The following GRIK3 variants were observed in gnomAD, a reference collection of about 807,000 sequenced individuals.
GRIK3 encodes the protein glutamate receptor ionotropic, kainate 3.
Under a neutral mutation model 102.5 loss-of-function variants are expected in GRIK3, and 29 were observed. The observed-to-expected ratio is 0.28, with a 90% CI of 0.21 to 0.39. The LOEUF (loss-of-function observed/expected upper bound fraction) is 0.39. GRIK3 is among the 10% of genes least tolerant of loss of function. The pLI is 1.00. For synonymous variants in GRIK3, 511 were observed against 504.9 expected, an observed-to-expected ratio of 1.01 and a Z score of -0.16; for missense variants, 908 against 1,252.4, an observed-to-expected ratio of 0.73 and a Z score of 4.15.
rs1346002321 is a variant in GRIK3 at position 37,034,159 on chromosome 1, G to A, written c.-51C>T. 4.3e-6 allele frequency: 4 copies of A among 923,780 alleles called. No individual in the cohort carries two copies. The Admixed American group carries it at 1.3e-4, about 31-fold the overall frequency. 57.2% of individuals were successfully genotyped at this position (923,780 alleles called of 1,614,324 possible). ...GGGCGCGGCCGTGGCGGGCTCCCTG[G>A]GGCGGCAGCTCTAGGCGCGGGCGCG... On this transcript the variant is annotated 5_prime_UTR_variant, in exon 1 of 16. Coordinates refer to ENST00000373091, the MANE Select transcript of GRIK3 (RefSeq NM_000831.4).
chr1:36,933,595 C>T (rs536394206), intron 1 of GRIK3, among the ~76,000 whole-genome samples: 4 of 152,118 alleles, frequency 2.6e-5, no homozygotes, highest in East Asian at 1.9e-4. Context: ...ATCCACTCAC[C>T]GACAACTGAG....
chr1:36,972,394 C>A (rs950095053), intron 1 of GRIK3, among the ~76,000 whole-genome samples: 31 of 152,208 alleles, frequency 2.0e-4, no homozygotes, highest in African/African-American at 7.2e-4. Context: ...AGGCTCACGG[C>A]ACCCCAGCCA....
Position 36,884,052 on chromosome 1 carries a change from G to A in GRIK3, c.293-3161C>T, listed in dbSNP as rs564116240. 3.9e-5 allele frequency among the ~76,000 whole-genome samples: 6 copies of A among 152,318 alleles called. No individual in the cohort carries two copies. The East Asian group carries it at 1.2e-3, about 29-fold the overall frequency. On this transcript the variant is annotated intron_variant, in intron 2 of 15. Coordinates refer to ENST00000373091, the MANE Select transcript of GRIK3 (RefSeq NM_000831.4). ...GCCCCCTGTAACACGGGGCAGAACA[G>A]CAGCAGTGCCAGTACAGAGGGTATC... is the stretch of plus-strand genomic sequence containing the variant.
chr1:36,993,059 G>A (rs889195825), intron 1 of GRIK3, among the ~76,000 whole-genome samples: 5 of 152,140 alleles, frequency 3.3e-5, no homozygotes, highest in African/African-American at 1.2e-4. Flanking sequence ...GAAGTATTAG[G>A]GTGGGGGTAA....
Position 36,806,177 on chromosome 1 carries a change from C to T in GRIK3, c.2241G>A (p.Thr747=), listed in dbSNP as rs559857715. The change falls in exon 14 of 16, where the codon ACG becomes ACA. Residue 747 remains threonine (T), a synonymous_variant. Transcript: ENST00000373091. This position sits in a 1 kb window ranked among gnomAD's most constrained non-coding sequence, Gnocchi z 4.0. The part of the protein sequence containing the change: ...LMESTTIEYV[T]QRNCNLTQIG... ...TCTGGGTGAGGTTGCAGTTCCTCTG[C>T]GTGACGTACTCGATGGTGGTGGACT... 530 of 1,614,130 alleles carry T rather than the reference C, an allele frequency of 3.3e-4. 7 individuals are homozygous for T. In the South Asian group the frequency reaches 5.4e-3, roughly 17 times the overall value.
chr1:37,013,376 C>T (rs1457438709), intron 1 of GRIK3, among the ~76,000 whole-genome samples: 1 of 152,202 alleles, frequency 6.6e-6, no homozygotes, highest in Non-Finnish European at 1.5e-5. Context: ...AGCCAGACAG[C>T]CCGGCATCTT....
intron 1 of GRIK3, among the ~76,000 whole-genome samples, chr1:36,989,464 GGC>G (rs1642341619): frequency 6.6e-6 from 1 of 152,212 alleles, no homozygotes; most frequent in Admixed American, 6.5e-5. Flanking sequence ...AGAGTTAGGA[GGC>G]GGCTGCGGCA....
chr1:36,851,686 A>G lies in GRIK3; in HGVS notation c.1213-1262T>C, dbSNP rs138122910. Reference sequence around the variant, plus strand: ...CAGCCTGTGGAGGCTCTGTGCTCACAGTCCGGGTGGCTGTGACCCGGTGCC... The same window carrying G: ...CAGCCTGTGGAGGCTCTGTGCTCACGGTCCGGGTGGCTGTGACCCGGTGCC... On this transcript the variant is annotated intron_variant, in intron 8 of 15. Transcript: ENST00000373091. 3.3e-3 allele frequency among the ~76,000 whole-genome samples: 509 copies of G among 152,378 alleles called. 3 individuals are homozygous for G. Among genetic ancestry groups the G allele is most frequent in the African/African-American group, 0.011 (442 of 41,588 alleles).
chr1:36,864,934 G>A (rs1269517448), intron 5 of GRIK3, among the ~76,000 whole-genome samples: 1 of 151,902 alleles, frequency 6.6e-6, no homozygotes, highest in Non-Finnish European at 1.5e-5. Context: ...TTGGCAAAAA[G>A]TTGTGTTCTC....
intron 1 of GRIK3, among the ~76,000 whole-genome samples, chr1:36,955,598 A>G (rs578185928): frequency 1.3e-5 from 2 of 152,320 alleles, no homozygotes; most frequent in African/African-American, 4.8e-5. Context: ...GCACATGCAC[A>G]TACATTCACA....
intron 15 of GRIK3, chr1:36,804,753 G>A (rs572760774): frequency 4.2e-5 from 24 of 571,538 alleles, no homozygotes; most frequent in East Asian, 3.6e-4. Flanking sequence ...TGAAGGCTGC[G>A]GCATAATCCA....
intron 1 of GRIK3, among the ~76,000 whole-genome samples, chr1:36,954,131 C>T (rs1641876839): frequency 6.6e-6 from 1 of 152,184 alleles, no homozygotes; most frequent in Non-Finnish European, 1.5e-5. Flanking sequence ...AGGGGCTGTG[C>T]CAGGGACTCT....
At chr1:36,938,440 ACTGC>A (rs540218438) in intron 1 of GRIK3, among the ~76,000 whole-genome samples, 52 of 152,352 alleles carry the variant, frequency 3.4e-4, no homozygotes, top group African/African-American at 1.2e-3. Context: ...TTGACCTGCT[ACTGC>A]CGGGGAGGGA....
chr1:36,902,410 A>G (rs71640703), intron 1 of GRIK3, among the ~76,000 whole-genome samples: 1,968 of 152,358 alleles, frequency 0.013, 28 homozygotes, highest in Non-Finnish European at 0.021. Context: ...AGAATGGAGA[A>G]TTCAGATGCA....
At chr1:36,994,610 G>A (rs1642399012) in intron 1 of GRIK3, among the ~76,000 whole-genome samples, 1 of 152,196 alleles carries the variant, frequency 6.6e-6, no homozygotes, top group South Asian at 2.1e-4. Context: ...CCTTTTGTGA[G>A]TTGGTACCAA....
chr1:36,878,273 G>A (rs931773523), intron 3 of GRIK3, among the ~76,000 whole-genome samples: 21 of 152,222 alleles, frequency 1.4e-4, no homozygotes, highest in Non-Finnish European at 7.3e-5. Context: ...TGGGAGGTGG[G>A]CAGGAGTGCC....
At chr1:36,950,145 C>T (rs1641829273) in intron 1 of GRIK3, among the ~76,000 whole-genome samples, 1 of 152,148 alleles carries the variant, frequency 6.6e-6, no homozygotes, top group South Asian at 2.1e-4. Flanking sequence ...CAGAACAATG[C>T]TATGAAAATG....
At chr1:36,820,927 T>C (rs1192198892) in intron 11 of GRIK3, among the ~76,000 whole-genome samples, 9 of 152,302 alleles carry the variant, frequency 5.9e-5, no homozygotes, top group Admixed American at 3.3e-4. Context: ...AGGATATGTA[T>C]GTTTAAAGAA....
intron 1 of GRIK3, among the ~76,000 whole-genome samples, chr1:36,940,170 G>A (rs534589695): frequency 6.6e-6 from 1 of 152,362 alleles, no homozygotes; most frequent in Non-Finnish European, 1.5e-5. Context: ...TCATGGAGAG[G>A]AAATGGAGGC....
Sources: allele counts gnomAD v4.1 joint callset (sites outside exome capture counted in the v4.1 genomes callset), GRCh38; gene constraint gnomAD v4.1.1; non-coding constraint Gnocchi (gnomAD v3.1); transcripts MANE v1.5; gene names NCBI Gene and HGNC (gene_info 2026-07-23, HGNC 2026-07-21).